The following SLC7A11 variants were observed in gnomAD, a reference collection of about 807,000 sequenced individuals.
SLC7A11 encodes the protein cystine/glutamate transporter.
A neutral mutation model predicts 54.5 loss-of-function variants in SLC7A11; 35 were observed. That is an observed-to-expected ratio of 0.64 (90% CI 0.49 to 0.85). The LOEUF is 0.85. Among genes scored for constraint, SLC7A11 ranks in the 40% least tolerant of loss-of-function variants. The pLI, the probability that SLC7A11 is intolerant of heterozygous loss-of-function variation, is 0.00. For missense variants in SLC7A11, 583 were observed against 618.1 expected, an observed-to-expected ratio of 0.94 and a Z score of 0.60; for synonymous variants, 230 against 225.2, an observed-to-expected ratio of 1.02 and a Z score of -0.19.
intron 6 of SLC7A11, among the ~76,000 whole-genome samples, chr4:138,211,983 T>C (rs1737561110): frequency 6.6e-6 from 1 of 151,922 alleles, no homozygotes; most frequent in African/African-American, 2.4e-5. Flanking sequence ...TAACCGTAGT[T>C]ATCAAAAACA....
chr4:138,182,218 T>G lies in SLC7A11; in HGVS notation c.1116+79A>C, dbSNP rs796175461. ...CAATGAATGAGAAAGTAAAATACTA[T>G]CTAATGTCTGGTTGGAATTCCTTTT... On this transcript the variant is annotated intron_variant, in intron 9 of 11. Coordinates refer to ENST00000280612, the MANE Select transcript of SLC7A11 (RefSeq NM_014331.4). 3.4e-6 allele frequency: 3 copies of G among 889,092 alleles called. No homozygotes were observed. The African/African-American group carries it at 4.9e-5, about 15-fold the overall frequency. 55.1% of individuals were successfully genotyped at this position (889,092 alleles called of 1,614,324 possible). A position where few individuals can be genotyped will look rare whatever the true frequency, so the allele number is the denominator to read the frequency against.
At chr4:138,181,366 C>T (rs1477019114) in intron 9 of SLC7A11, among the ~76,000 whole-genome samples, 2 of 151,954 alleles carry the variant, frequency 1.3e-5, no homozygotes, top group African/African-American at 2.4e-5. Context: ...CTCAAGACCA[C>T]GGAGAAGAAT....
intron 6 of SLC7A11, among the ~76,000 whole-genome samples, chr4:138,213,532 CCTCT>C (rs71600143): frequency 6.7e-6 from 1 of 148,862 alleles, no homozygotes; most frequent in Non-Finnish European, 1.5e-5. Context: ...TTGTGTTTCT[CCTCT>C]CTCTCTCTAT....
intron 6 of SLC7A11, among the ~76,000 whole-genome samples, chr4:138,213,652 T>C (rs1384016790): frequency 6.6e-6 from 1 of 151,936 alleles, no homozygotes; most frequent in African/African-American, 2.4e-5. Flanking sequence ...TCTCCCTAGA[T>C]ACACAAGTAT....
intron 4 of SLC7A11, among the ~76,000 whole-genome samples, 189 bp downstream of exon 4, chr4:138,223,010 G>A (rs1470718884): frequency 6.6e-6 from 1 of 151,218 alleles, no homozygotes; most frequent in Non-Finnish European, 1.5e-5. Context: ...TCCTCTTTCT[G>A]CCATTCAACT....
chr4:138,241,461 G>T (rs946209847), intron 1 of SLC7A11, among the ~76,000 whole-genome samples: 4 of 152,300 alleles, frequency 2.6e-5, no homozygotes, highest in African/African-American at 9.6e-5. Flanking sequence ...CCCAAGCTAA[G>T]TGTACAACTG....
At chr4:138,236,264 A>C in intron 2 of SLC7A11, 61 bp downstream of exon 2, 1 of 1,442,294 alleles carries the variant, frequency 6.9e-7, no homozygotes, top group Non-Finnish European at 9.5e-7. Context: ...AAAAATAATC[A>C]AGGTGATTCA....
rs1736208702 is a variant in SLC7A11, at chr4:138,164,586, T to C, written c.*7370A>G. On this transcript the variant is annotated 3_prime_UTR_variant, in exon 12 of 12. Transcript: ENST00000280612. ...TATCTTAGTTCTAATATGATTGGAA[T>C]GTGGATGCAGAAATAAAATGCAGTT... is the stretch of plus-strand genomic sequence containing the variant. 6.6e-6 allele frequency: 1 copy of C among 152,170 alleles called. No individual in the cohort carries two copies. Among genetic ancestry groups the C allele is most frequent in the South Asian group, 2.1e-4 (1 of 4,828 alleles). 9.4% of individuals were successfully genotyped at this position (152,170 alleles called of 1,614,324 possible). A position where few individuals can be genotyped will look rare whatever the true frequency, so the allele number is the denominator to read the frequency against.
chr4:138,182,259 C>A (rs768555113), intron 9 of SLC7A11, 38 bp downstream of exon 9: 11 of 1,286,438 alleles, frequency 8.6e-6, no homozygotes, highest in Non-Finnish European at 1.1e-5. Flanking sequence ...ACCTATTATT[C>A]AAGGTTATAT....
intron 7 of SLC7A11, 36 bp downstream of exon 7, chr4:138,185,085 T>C (rs376905665): frequency 6.2e-7 from 1 of 1,610,754 alleles, no homozygotes; most frequent in African/African-American, 1.3e-5. Flanking sequence ...CTCATTAACC[T>C]AAATTCCAAT....
rs1736407496 is a variant in SLC7A11, at chr4:138,170,831, T to G, written c.*1125A>C. The stretch of plus-strand genomic sequence containing the variant: ...TACAGCGACATTTCTTTTGCAATTT[T>G]TATGTTAATATATGCCTTTTCCTAA... On this transcript the variant is annotated 3_prime_UTR_variant, in exon 12 of 12. Coordinates refer to ENST00000280612, the MANE Select transcript of SLC7A11 (RefSeq NM_014331.4). 1 of 152,178 alleles carries G rather than the reference T, an allele frequency of 6.6e-6. No individual in the cohort carries two copies. Among genetic ancestry groups the G allele is most frequent in the Non-Finnish European group, 1.5e-5 (1 of 68,022 alleles). 9.4% of individuals were successfully genotyped at this position (152,178 alleles called of 1,614,324 possible). A position where few individuals can be genotyped will look rare whatever the true frequency, so the allele number is the denominator to read the frequency against.
At chr4:138,241,013 G>A (rs1403284336) in intron 1 of SLC7A11, among the ~76,000 whole-genome samples, 1 of 152,062 alleles carries the variant, frequency 6.6e-6, no homozygotes, top group Non-Finnish European at 1.5e-5. Flanking sequence ...GATTAATTTA[G>A]TGAACAGGTG....
intron 11 of SLC7A11, among the ~76,000 whole-genome samples, chr4:138,174,062 G>T (rs1736504813): frequency 6.6e-6 from 1 of 152,124 alleles, no homozygotes; most frequent in Non-Finnish European, 1.5e-5. Flanking sequence ...ATGTTAAAGA[G>T]ACATCATCTA....
In SLC7A11 at chr4:138,220,606, A is replaced by T. The variant is rs190533410; in HGVS notation, c.647-1241T>A. On this transcript the variant is annotated intron_variant, in intron 4 of 11. Coordinates refer to ENST00000280612, the MANE Select transcript of SLC7A11 (RefSeq NM_014331.4). The stretch of plus-strand genomic sequence containing the variant: ...GGAGCTTTTTCTTTTATATCTTTTG[A>T]ATAGTTTTAAAAGTTAGAAATTCAG... 3.3e-4 allele frequency among the ~76,000 whole-genome samples: 51 copies of T among 152,254 alleles called. 1 individual carries two copies. The highest frequency in any genetic ancestry group is 2.9e-3 in the Admixed American group (44 of 15,294).
chr4:138,214,905 C>T (rs1326566507), intron 5 of SLC7A11, among the ~76,000 whole-genome samples: 1 of 152,136 alleles, frequency 6.6e-6, no homozygotes, highest in Non-Finnish European at 1.5e-5. Flanking sequence ...TAGTGTGATA[C>T]AGTGCAGGTC....
intron 1 of SLC7A11, among the ~76,000 whole-genome samples, chr4:138,240,912 A>G (rs1420967923): frequency 2.6e-5 from 4 of 152,322 alleles, no homozygotes; most frequent in South Asian, 2.1e-4. Context: ...GGGGGCATTT[A>G]TTTACCTCTT....
At chr4:138,214,181 T>C (rs1419867497) in intron 6 of SLC7A11, among the ~76,000 whole-genome samples, 1 of 152,008 alleles carries the variant, frequency 6.6e-6, no homozygotes, top group Non-Finnish European at 1.5e-5. Flanking sequence ...TTTAATTCGA[T>C]AGTTATGAAA....
At chr4:138,174,613 T>A (rs1736522471) in intron 11 of SLC7A11, 1 of 152,178 alleles carries the variant, frequency 6.6e-6, no homozygotes, top group Non-Finnish European at 1.5e-5. Flanking sequence ...GAGAGGCAAG[T>A]ATGTCTTTAA....
At chr4:138,225,158 A>ATATG (rs1737915619) in intron 3 of SLC7A11, among the ~76,000 whole-genome samples, 1 of 145,548 alleles carries the variant, frequency 6.9e-6, no homozygotes, top group Non-Finnish European at 1.5e-5. Context: ...ATATATATAT[A>ATATG]TATATATATA....
Sources: allele counts gnomAD v4.1 joint callset (sites outside exome capture counted in the v4.1 genomes callset), GRCh38; gene constraint gnomAD v4.1.1; transcripts MANE v1.5; gene names NCBI Gene and HGNC (gene_info 2026-07-23, HGNC 2026-07-21).